The following TADA2A variants were observed in gnomAD, a reference collection of about 807,000 sequenced individuals.
TADA2A encodes transcriptional adapter 2-alpha.
In TADA2A, 38 loss-of-function variants were observed where a neutral mutation model predicts 67.4. The ratio of observed to expected loss-of-function variants is 0.56; its 90% CI spans 0.44 to 0.74. The LOEUF (loss-of-function observed/expected upper bound fraction) is 0.74. TADA2A is among the 30% of genes least tolerant of loss of function. The pLI is 0.00. For synonymous variants in TADA2A, 192 were observed against 181.6 expected, an observed-to-expected ratio of 1.06 and a Z score of -0.46; for missense variants, 454 against 547.0, an observed-to-expected ratio of 0.83 and a Z score of 1.70.
rs2051861236 is a variant in TADA2A, at chr17:37,411,378, G to C, written c.13G>C (p.Gly5Arg). The change falls in exon 2 of 16, where the codon GGT (glycine) becomes CGT (arginine). Residue 5 changes from glycine to arginine, a missense_variant. This residue lies in a region of TADA2A where 403 missense variants were observed against 455.5 expected (regional missense o/e 0.88). Transcript: ENST00000615182. ...TGCCAATTAGGGAATGGACCGTTTGGGTTCCTTTAGCAGTAAGTACAGTGG... is the reference window on the plus strand; with the variant it reads ...TGCCAATTAGGGAATGGACCGTTTGCGTTCCTTTAGCAGTAAGTACAGTGG... MDRL[G>R]SFSNDPSDKP... The C allele has an allele frequency of 6.2e-7, 1 of 1,613,770 alleles. No homozygotes were observed. Among genetic ancestry groups the C allele is most frequent in the East Asian group, 2.2e-5 (1 of 44,876 alleles).
intron 2 of TADA2A, among the ~76,000 whole-genome samples, chr17:37,421,925 C>G (rs144313230): frequency 0.019 from 2,842 of 146,242 alleles, 255 homozygotes; most frequent in African/African-American, 0.067. Context: ...GTTGCCCAGA[C>G]TGGAGTGCAG....
intron 2 of TADA2A, among the ~76,000 whole-genome samples, chr17:37,421,046 TCTG>T (rs1272913941): frequency 1.4e-5 from 2 of 146,702 alleles, no homozygotes; most frequent in East Asian, 2.1e-4. Flanking sequence ...GAGTAGAAGA[TCTG>T]CTGTGTTATG....
intron 8 of TADA2A, among the ~76,000 whole-genome samples, chr17:37,449,094 C>T (rs565899332): frequency 5.3e-5 from 8 of 152,044 alleles, no homozygotes; most frequent in East Asian, 3.9e-4. Context: ...GATCTTGGCT[C>T]GCTGCAAGCT....
chr17:37,475,203 G>GC (rs1278435159), intron 15 of TADA2A, among the ~76,000 whole-genome samples: 4 of 151,370 alleles, frequency 2.6e-5, no homozygotes, highest in Non-Finnish European at 5.9e-5. Flanking sequence ...ACGGAGACTT[G>GC]CCCTGTCACC....
chr17:37,439,776 C>T (rs934844600), intron 5 of TADA2A, among the ~76,000 whole-genome samples: 3 of 151,668 alleles, frequency 2.0e-5, no homozygotes, highest in Admixed American at 6.6e-5. Flanking sequence ...TTTGGTAAAC[C>T]GTAAAATATT....
chr17:37,452,390 G>A (rs1184093475), intron 8 of TADA2A, among the ~76,000 whole-genome samples: 3 of 152,056 alleles, frequency 2.0e-5, no homozygotes, highest in African/African-American at 2.4e-5. Flanking sequence ...GAGACAGAGC[G>A]AGACTCCATC....
At position 37,440,496 on chromosome 17, in the gene TADA2A, A is replaced by AT; in HGVS notation, c.285-8dup. 6.2e-7 allele frequency: 1 copy of AT among 1,612,488 alleles called. No individual in the cohort carries two copies. The highest frequency in any genetic ancestry group is 8.5e-7 in the Non-Finnish European group (1 of 1,179,214). On this transcript the variant is annotated splice_polypyrimidine_tract_variant and intron_variant, in intron 5 of 15. Transcript: ENST00000615182. ...GTACCACTTCTCTCTTTTTCCCACA[A>AT]TCCTCTAGGCAGGATGTAGCCAATC... is the stretch of plus-strand genomic sequence containing the variant.
chr17:37,435,505 G>T (rs944716433), intron 4 of TADA2A, among the ~76,000 whole-genome samples: 1 of 152,028 alleles, frequency 6.6e-6, no homozygotes, highest in Non-Finnish European at 1.5e-5. Flanking sequence ...AGCCAAGATG[G>T]TCTCGATCTC....
intron 5 of TADA2A, among the ~76,000 whole-genome samples, chr17:37,439,938 ATTTATTATTTT>A (rs2052856285): frequency 9.5e-6 from 1 of 105,722 alleles, no homozygotes; most frequent in Admixed American, 8.6e-5. Context: ...TTATTTATTT[ATTTATTATTTT>A]TTTTTTTTTT....
intron 1 of TADA2A, among the ~76,000 whole-genome samples, chr17:37,409,577 G>C (rs1045100674): frequency 2.0e-5 from 3 of 151,712 alleles, no homozygotes; most frequent in East Asian, 2.0e-4. Context: ...GACCAGCCTG[G>C]CCAACATGGT....
intron 2 of TADA2A, among the ~76,000 whole-genome samples, chr17:37,413,826 G>A (rs1374513024): frequency 6.6e-6 from 1 of 151,964 alleles, no homozygotes; most frequent in Non-Finnish European, 1.5e-5. Flanking sequence ...AAGTTCAGGG[G>A]TACATGTGCA....
intron 2 of TADA2A, among the ~76,000 whole-genome samples, chr17:37,413,012 C>A (rs2147898941): frequency 6.6e-6 from 1 of 151,830 alleles, no homozygotes; most frequent in East Asian, 2.0e-4. Context: ...ACTGCAACCT[C>A]CACCTCCCGG....
chr17:37,423,510 T>C lies in TADA2A; in HGVS notation c.27T>C (p.Asn9=), dbSNP rs777684288. ...GCATTTGTTTTCTGTTTGTTCTAGA[T>C]GATCCCTCTGATAAGCCACCTTGCC... MDRLGSFS[N]DPSDKPPCRG... is the part of the protein sequence containing the mutation. Residue 9 remains asparagine (N), a splice_region_variant and synonymous_variant, in exon 3 of 16, where the codon AAT becomes AAC. Coordinates refer to ENST00000615182, the MANE Select transcript of TADA2A (RefSeq NM_001166105.3). 6.2e-7 allele frequency: 1 copy of C among 1,608,496 alleles called. No individual in the cohort carries two copies. The highest frequency in any genetic ancestry group is 1.3e-5 in the African/African-American group (1 of 74,616).
At chr17:37,439,187 G>A (rs963080065) in intron 5 of TADA2A, among the ~76,000 whole-genome samples, 2 of 151,930 alleles carry the variant, frequency 1.3e-5, no homozygotes, top group Non-Finnish European at 2.9e-5. Context: ...CTATAACCCC[G>A]AACTCCTGGG....
At chr17:37,441,292 A>G (rs904767145) in intron 6 of TADA2A, among the ~76,000 whole-genome samples, 4 of 152,150 alleles carry the variant, frequency 2.6e-5, no homozygotes, top group African/African-American at 4.8e-5. Context: ...AACCTTTTCT[A>G]TGCTATTATG....
At chr17:37,412,135 C>G (rs1019693194) in intron 2 of TADA2A, among the ~76,000 whole-genome samples, 1 of 150,668 alleles carries the variant, frequency 6.6e-6, no homozygotes, top group South Asian at 2.1e-4. Flanking sequence ...GGCATGAACC[C>G]GGGAGGCGGA....
chr17:37,441,310 G>GTTTTTTTTTTTTTTTTTTTTTTTT (rs1002158314), intron 6 of TADA2A, among the ~76,000 whole-genome samples: 1 of 151,960 alleles, frequency 6.6e-6, no homozygotes, highest in African/African-American at 2.4e-5. Context: ...ATGAGTGCAA[G>GTTTTTTTTTTTTTTTTTTTTTTTT]TTTTTTTTCA....
intron 8 of TADA2A, among the ~76,000 whole-genome samples, chr17:37,446,234 CATTGT>C (rs1296141662): frequency 4.6e-5 from 7 of 151,904 alleles, no homozygotes; most frequent in Non-Finnish European, 1.0e-4. Context: ...TAACTAAATC[CATTGT>C]ATTTGTTCAG....
intron 9 of TADA2A, among the ~76,000 whole-genome samples, chr17:37,459,462 T>C (rs2053491214): frequency 6.6e-6 from 1 of 151,598 alleles, no homozygotes; most frequent in South Asian, 2.1e-4. Context: ...TTTGCATTTT[T>C]AATAGAGATG....
Sources: gnomAD v4.1 joint callset for allele counts (sites outside exome capture counted in the v4.1 genomes callset) on GRCh38, gnomAD v4.1.1 for gene constraint, gnomAD v4.1.1 regional missense constraint, MANE v1.5 for transcripts, NCBI Gene and HGNC (gene_info 2026-07-23, HGNC 2026-07-21) for gene names.